Variants in MYO19 observed in about 807,000 individuals in gnomAD.
MYO19 encodes the protein unconventional myosin-XIX.
Under a neutral mutation model 129.2 loss-of-function variants are expected in MYO19, and 132 were observed. That is an observed-to-expected ratio of 1.02 (90% CI 0.89 to 1.18). The LOEUF (loss-of-function observed/expected upper bound fraction) is 1.18. Among genes scored for constraint, MYO19 ranks in the 50% most tolerant of loss-of-function variants. The pLI is 0.00. For missense variants in MYO19, 1,210 were observed against 1,216.7 expected, an observed-to-expected ratio of 0.99 and a Z score of 0.08; for synonymous variants, 531 against 477.2, an observed-to-expected ratio of 1.11 and a Z score of -1.47.
At chr17:36,528,320 A>G in intron 3 of MYO19, 118 bp from the exon 4 acceptor site, 2 of 1,018,846 alleles carry the variant, frequency 2.0e-6, no homozygotes, top group Non-Finnish European at 2.8e-6. Flanking sequence ...CATCCTGGTT[A>G]ACACGGTGAA....
chr17:36,501,385 G>A, intron 21 of MYO19, 150 bp from the exon 22 acceptor site: 1 of 834,860 alleles, frequency 1.2e-6, no homozygotes, highest in South Asian at 2.1e-5. Context: ...TTCTTTTGGA[G>A]GAAGCCACAA....
rs143973448 is a variant in MYO19 at position 36,511,495 on chromosome 17, G to A, written c.895-40C>T. ...AGGATGGGTGGGAGTAGGAGAGGGCGTGACGTGGGCCTACTCTGGGAAGGG... is the reference window on the plus strand; with the variant it reads ...AGGATGGGTGGGAGTAGGAGAGGGCATGACGTGGGCCTACTCTGGGAAGGG... On this transcript the variant is annotated intron_variant, in intron 11 of 25. Transcript: ENST00000614623. 1,060 of 1,530,670 alleles carry A rather than the reference G, an allele frequency of 6.9e-4. 6 individuals carry two copies. The East Asian group carries it at 0.016, about 23-fold the overall frequency. 94.8% of individuals were successfully genotyped at this position (1,530,670 alleles called of 1,614,324 possible).
At chr17:36,538,652 A>G (rs2074177306), upstream of MYO19, 11 of 1,444,298 alleles carry the variant, frequency 7.6e-6, no homozygotes, top group Non-Finnish European at 1.0e-5. Context: ...TTTGGGCAAT[A>G]TTTAATGAGG....
chr17:36,529,589 T>C (rs2073701565), intron 3 of MYO19, among the ~76,000 whole-genome samples: 1 of 152,192 alleles, frequency 6.6e-6, no homozygotes, highest in Non-Finnish European at 1.5e-5. Flanking sequence ...CCAAAACTGT[T>C]GCCTGTTCTC....
chr17:36,496,056 G>C lies in MYO19; in HGVS notation c.*195C>G. On this transcript the variant is annotated 3_prime_UTR_variant, in exon 26 of 26. Coordinates refer to ENST00000614623, the MANE Select transcript of MYO19 (RefSeq NM_001163735.2). ...GTAACTACCAGCCCTGACACCATCAGTGCTTGATGTAGCCTGGAACCCCAG... is the reference window on the plus strand; with the variant it reads ...GTAACTACCAGCCCTGACACCATCACTGCTTGATGTAGCCTGGAACCCCAG... 1.2e-6 allele frequency: 1 copy of C among 846,726 alleles called. No homozygotes were observed. The highest frequency in any genetic ancestry group is 1.8e-6 in the Non-Finnish European group (1 of 560,960). 52.5% of individuals were successfully genotyped at this position (846,726 alleles called of 1,614,324 possible).
intron 11 of MYO19, 140 bp from the exon 12 acceptor site, chr17:36,511,595 C>A: frequency 1.3e-6 from 1 of 748,364 alleles, no homozygotes; most frequent in Non-Finnish European, 2.3e-6. Flanking sequence ...CTCTGCCAGA[C>A]ACAATTCTAT....
In MYO19 at chr17:36,507,928, G is replaced by C; in HGVS notation, c.1232-4C>G. 6.3e-7 allele frequency: 1 copy of C among 1,595,582 alleles called. No homozygotes were observed. Among genetic ancestry groups the C allele is most frequent in the Non-Finnish European group, 8.6e-7 (1 of 1,167,920 alleles). On this transcript the variant is annotated splice_region_variant and splice_polypyrimidine_tract_variant and intron_variant, in intron 14 of 25. Coordinates refer to ENST00000614623, the MANE Select transcript of MYO19 (RefSeq NM_001163735.2). Reference sequence around the variant, plus strand: ...AATCCATACACATCCAGCAGGCCTGGGAAGATGGCAGAGAACCCATGGGGC... The same window carrying C: ...AATCCATACACATCCAGCAGGCCTGCGAAGATGGCAGAGAACCCATGGGGC...
chr17:36,506,675 C>A, intron 17 of MYO19, 67 bp from the exon 18 acceptor site: 1 of 1,484,272 alleles, frequency 6.7e-7, no homozygotes, highest in Non-Finnish European at 9.0e-7. Context: ...ATCCACTGCC[C>A]ACCCAAGCCG....
chr17:36,527,431 C>CA (rs2073541960), intron 5 of MYO19, 120 bp downstream of exon 5: 1 of 1,185,670 alleles, frequency 8.4e-7, no homozygotes, highest in African/African-American at 1.5e-5. Context: ...GGCCGTGGCA[C>CA]TAGCAGACTC....
At chr17:36,506,690 T>C (rs2071916360) in intron 17 of MYO19, 82 bp from the exon 18 acceptor site, 4 of 1,455,546 alleles carry the variant, frequency 2.7e-6, no homozygotes, top group Admixed American at 2.6e-5. Flanking sequence ...AAGCCGCAGA[T>C]GACGGGGCTT....
In MYO19 at chr17:36,505,371, T is replaced by G. The variant is rs1366801109; in HGVS notation, c.1831A>C (p.Ser611Arg). The change falls in exon 19 of 26, where the codon AGC (serine) becomes CGC (arginine). Residue 611 changes from serine to arginine, a missense_variant. Ser to Arg is a moderately radical substitution (Grantham distance 110). Transcript: ENST00000614623. ...SLEQLLQVLH[S>R]TTPHYIRCIK... is the part of the protein sequence containing the mutation. The stretch of plus-strand genomic sequence containing the variant: ...CAGCGAATGTAGTGGGGCGTGGTGC[T>G]GTGTAGGACCTGCAGAAGCTGCTCC... 1 of 1,614,208 alleles carries G rather than the reference T, an allele frequency of 6.2e-7. No homozygotes were observed. The highest frequency in any genetic ancestry group is 8.5e-7 in the Non-Finnish European group (1 of 1,180,034).
chr17:36,513,788 G>A, intron 9 of MYO19, 63 bp from the exon 10 acceptor site: 1 of 1,437,516 alleles, frequency 7.0e-7, no homozygotes, highest in Non-Finnish European at 9.6e-7. Context: ...GCCTGCATAG[G>A]CAGGCATGGG....
intron 6 of MYO19, among the ~76,000 whole-genome samples, chr17:36,522,028 T>TCAAAAAAAAAAAAAA (rs1567777190): frequency 5.2e-5 from 6 of 115,268 alleles, no homozygotes; most frequent in East Asian, 2.5e-4. Flanking sequence ...AGACTGTCTT[T>TCAAAAAAAAAAAAAA]AAAAAAAAAA....
chr17:36,522,275 C>T (rs879568570), intron 6 of MYO19, among the ~76,000 whole-genome samples: 17 of 151,184 alleles, frequency 1.1e-4, no homozygotes, highest in East Asian at 2.0e-4. Flanking sequence ...TTTGGGAGGC[C>T]GAGGCAGGTG....
upstream of MYO19, chr17:36,537,456 A>G (rs755060409): frequency 2.5e-6 from 4 of 1,613,880 alleles, no homozygotes; most frequent in African/African-American, 1.3e-5. Context: ...ATTCTTGAAC[A>G]TCAGTCTAGA....
At chr17:36,503,015 C>T in intron 21 of MYO19, 82 bp downstream of exon 21, 2 of 1,190,714 alleles carry the variant, frequency 1.7e-6, no homozygotes, top group South Asian at 1.2e-5. Context: ...TAAGCCCCAG[C>T]CCCTAGCCCT....
chr17:36,518,264 G>A (rs1420830062), intron 6 of MYO19, among the ~76,000 whole-genome samples: 1 of 151,736 alleles, frequency 6.6e-6, no homozygotes, highest in Non-Finnish European at 1.5e-5. Flanking sequence ...TTGAGGCCAG[G>A]AGTTTGATAC....
In MYO19 at chr17:36,525,275, G is replaced by A. The variant is rs760400381; in HGVS notation, c.367C>T (p.Pro123Ser). The change falls in exon 6 of 26, where the codon CCA (proline) becomes TCA (serine). Residue 123 changes from proline to serine, a missense_variant. Coordinates refer to ENST00000614623, the MANE Select transcript of MYO19 (RefSeq NM_001163735.2). ...TYRNVKSLIEPVNQSIVVSGE... is the reference protein window; with the variant it reads ...TYRNVKSLIESVNQSIVVSGE... ...CTGACAACAATAGACTGGTTGACTG[G>A]TTCAATCAGGCTCTTGACATTCCTG... The A allele has an allele frequency of 6.2e-7, 1 of 1,613,962 alleles. No homozygotes were observed. The highest frequency in any genetic ancestry group is 2.2e-5 in the East Asian group (1 of 44,890).
intron 14 of MYO19, 176 bp downstream of exon 14, chr17:36,508,886 A>C: frequency 1.6e-6 from 1 of 627,532 alleles, no homozygotes; most frequent in Non-Finnish European, 2.8e-6. Flanking sequence ...GCAGGAGAGC[A>C]GAGATCTCAC....
Sources: gnomAD v4.1 joint callset for allele counts (sites outside exome capture counted in the v4.1 genomes callset) on GRCh38, gnomAD v4.1.1 for gene constraint, MANE v1.5 for transcripts, NCBI Gene and HGNC (gene_info 2026-07-23, HGNC 2026-07-21) for gene names.